The following ERO1B variants were observed in gnomAD, a reference collection of about 807,000 sequenced individuals.
The protein encoded by ERO1B is ERO1-like protein beta.
ERO1B carries 49 observed loss-of-function variants against 75.3 expected under a neutral mutation model. The observed-to-expected ratio is 0.65, with a 90% CI of 0.52 to 0.83. ERO1B has a LOEUF of 0.83. Among genes scored for constraint, ERO1B ranks in the 40% least tolerant of loss-of-function variants. ERO1B has a pLI of 0.00. For synonymous variants in ERO1B, 191 were observed against 192.9 expected, an observed-to-expected ratio of 0.99 and a Z score of 0.08; for missense variants, 512 against 560.1, an observed-to-expected ratio of 0.91 and a Z score of 0.87.
At chr1:236,266,198 GTAAA>G (rs1665431450) in intron 2 of ERO1B, among the ~76,000 whole-genome samples, 1 of 152,248 alleles carries the variant, frequency 6.6e-6, no homozygotes. Context: ...GGAATAAGAA[GTAAA>G]AAAGAGAAGT....
chr1:236,253,482 A>G lies in ERO1B; in HGVS notation c.246T>C (p.Pro82=). Residue 82 remains proline, a synonymous_variant, in exon 3 of 16, where the codon CCT becomes CCC. Transcript: ENST00000354619. ...AACAGTGGCCATCTTCTGCCCAGAA[A>G]GGACAAGGTCGCTTCAGATTAACCT... The part of the protein sequence containing the change: ...YYKVNLKRPC[P]FWAEDGHCSI... 3.1e-6 allele frequency: 5 copies of G among 1,610,284 alleles called. No individual in the cohort carries two copies. The highest frequency in any genetic ancestry group is 4.2e-6 in the Non-Finnish European group (5 of 1,177,708).
At chr1:236,266,269 T>G (rs1279439909) in intron 2 of ERO1B, among the ~76,000 whole-genome samples, 2 of 152,230 alleles carry the variant, frequency 1.3e-5, no homozygotes, top group Admixed American at 1.3e-4. Flanking sequence ...GACTGTTACC[T>G]CCACCTGTAT....
chr1:236,274,714 G>A (rs1268944454), intron 1 of ERO1B, among the ~76,000 whole-genome samples: 1 of 150,694 alleles, frequency 6.6e-6, no homozygotes, highest in Non-Finnish European at 1.5e-5. Context: ...GATTTGCACT[G>A]CTTTAAGTGC....
At chr1:236,255,291 T>C (rs958690277) in intron 2 of ERO1B, among the ~76,000 whole-genome samples, 4 of 152,078 alleles carry the variant, frequency 2.6e-5, no homozygotes, top group African/African-American at 9.7e-5. Context: ...CCAGATCTTA[T>C]GACGGCTCAC....
At chr1:236,281,614 C>A in intron 1 of ERO1B, 68 bp downstream of exon 1, 1 of 1,021,508 alleles carries the variant, frequency 9.8e-7, no homozygotes. Context: ...GCGTCACAGC[C>A]GCGGCCCGTG....
Position 236,281,881 on chromosome 1 carries a change from G to T in ERO1B, c.-98C>A. 2.3e-6 allele frequency: 2 copies of T among 863,934 alleles called. No individual in the cohort carries two copies. The highest frequency in any genetic ancestry group is 3.4e-5 in the South Asian group (1 of 29,564). The allele number at this position is 863,934 out of a possible 1,614,324, so 53.5% of individuals were successfully genotyped here. A position where few individuals can be genotyped will look rare whatever the true frequency, so the allele number is the denominator to read the frequency against. On this transcript the variant is annotated 5_prime_UTR_variant, in exon 1 of 16. Transcript: ENST00000354619. ...CCCAAGGGGACGGTTCCCAGCGGCC[G>T]AGCGACTCCAGGGTCAGAGGTCTGC...
intron 2 of ERO1B, among the ~76,000 whole-genome samples, chr1:236,258,149 C>CAGGAAAAA (rs71559929): frequency 3.1e-5 from 3 of 96,572 alleles, no homozygotes; most frequent in Admixed American, 1.2e-4. Context: ...AAAAACAAAG[C>CAGGAAAAA]AAAAAAAAAA....
Position 236,216,831 on chromosome 1 carries a change from A to G in ERO1B, c.*1685T>C, listed in dbSNP as rs1663995130. 1 of 152,056 alleles carries G rather than the reference A, an allele frequency of 6.6e-6. No individual in the cohort carries two copies. The allele number at this position is 152,056 out of a possible 1,614,324, so 9.4% of individuals were successfully genotyped here. A position where few individuals can be genotyped will look rare whatever the true frequency, so the allele number is the denominator to read the frequency against. On this transcript the variant is annotated 3_prime_UTR_variant, in exon 16 of 16. Transcript: ENST00000354619. ...TACTAGTTAAATTAATTGGATAGTCACTTTTTAGACAGTTTGCCTTAAGGC... is the reference window on the plus strand; with the variant it reads ...TACTAGTTAAATTAATTGGATAGTCGCTTTTTAGACAGTTTGCCTTAAGGC...
intron 12 of ERO1B, among the ~76,000 whole-genome samples, chr1:236,225,563 T>C (rs1664257850): frequency 1.3e-5 from 2 of 152,224 alleles, no homozygotes; most frequent in South Asian, 4.1e-4. Context: ...AAAGGTTATA[T>C]TCTAGAAGAT....
chr1:236,267,475 T>G (rs968630509), intron 2 of ERO1B, among the ~76,000 whole-genome samples: 1 of 152,172 alleles, frequency 6.6e-6, no homozygotes, highest in Non-Finnish European at 1.5e-5. Context: ...CCAAGCCTGC[T>G]AGGGATAGAG....
chr1:236,242,865 A>T (rs1418958438), intron 6 of ERO1B, among the ~76,000 whole-genome samples: 7 of 152,168 alleles, frequency 4.6e-5, no homozygotes, highest in Non-Finnish European at 7.4e-5. Context: ...TCTGGTGGAG[A>T]GTGTCCAGTC....
intron 5 of ERO1B, among the ~76,000 whole-genome samples, chr1:236,247,152 G>T (rs1388625996): frequency 6.6e-6 from 1 of 152,018 alleles, no homozygotes; most frequent in Non-Finnish European, 1.5e-5. Context: ...TCTCATTTAG[G>T]TTTATGGCTG....
chr1:236,249,667 A>G (rs1406431175), intron 5 of ERO1B, among the ~76,000 whole-genome samples: 3 of 152,204 alleles, frequency 2.0e-5, no homozygotes, highest in Non-Finnish European at 4.4e-5. Context: ...TTTTTAAAAG[A>G]TTTACTATGG....
In ERO1B at chr1:236,220,924, T is replaced by A. The variant is rs749806725; in HGVS notation, c.1251A>T (p.Glu417Asp). 6.2e-7 allele frequency: 1 copy of A among 1,603,456 alleles called. No individual in the cohort carries two copies. Residue 417 changes from glutamate (E) to aspartate (D), a missense_variant, in exon 15 of 16, where the codon GAA (glutamate) becomes GAT (aspartate). By Grantham distance (45) the Glu-to-Asp change is conservative. Coordinates refer to ENST00000354619, the MANE Select transcript of ERO1B (RefSeq NM_019891.4). ...TCTCTGGAAGCTTTTGGATTTCTTT[T>A]TCAGAGAATAATATCTTCAGGGCAG... is the stretch of plus-strand genomic sequence containing the variant. ...LGTALKILFSEKEIQKLPENS... is the reference protein window; with the variant it reads ...LGTALKILFSDKEIQKLPENS...
intron 13 of ERO1B, among the ~76,000 whole-genome samples, chr1:236,222,212 G>C (rs1572028556): frequency 6.6e-6 from 1 of 152,094 alleles, no homozygotes; most frequent in African/African-American, 2.4e-5. Flanking sequence ...CAGGTTCAAG[G>C]GATTCTCCTG....
At chr1:236,240,291 T>G (rs187658996) in intron 6 of ERO1B, among the ~76,000 whole-genome samples, 38 of 152,264 alleles carry the variant, frequency 2.5e-4, no homozygotes, top group Non-Finnish European at 1.0e-4. Context: ...TTTTCTAGGA[T>G]GTTAAACTTT....
intron 1 of ERO1B, among the ~76,000 whole-genome samples, chr1:236,271,237 G>A (rs185231366): frequency 1.8e-4 from 27 of 152,256 alleles, no homozygotes; most frequent in Admixed American, 1.4e-3. Flanking sequence ...GTCTCAGCCT[G>A]TTAAAGGTTA....
intron 2 of ERO1B, among the ~76,000 whole-genome samples, chr1:236,268,661 C>A (rs12563092): frequency 6.7e-6 from 1 of 150,334 alleles, no homozygotes; most frequent in African/African-American, 2.4e-5. Context: ...CCAAGGCGGG[C>A]GGATCACAAG....
chr1:236,266,533 G>T lies in ERO1B; in HGVS notation c.222+3342C>A, dbSNP rs141610807. 8.5e-4 allele frequency among the ~76,000 whole-genome samples: 130 copies of T among 152,114 alleles called. No individual in the cohort carries two copies. In the East Asian group the frequency reaches 0.025, roughly 29 times the overall value. ...GCAGGAGAATCACTTGAACCTGGGAGGCTGAGGTTGCAGTGAACCAAGATC... is the reference window on the plus strand; with the variant it reads ...GCAGGAGAATCACTTGAACCTGGGATGCTGAGGTTGCAGTGAACCAAGATC... On this transcript the variant is annotated intron_variant, in intron 2 of 15. Coordinates refer to ENST00000354619, the MANE Select transcript of ERO1B (RefSeq NM_019891.4).
Sources: gnomAD v4.1 joint callset for allele counts (sites outside exome capture counted in the v4.1 genomes callset) on GRCh38, gnomAD v4.1.1 for gene constraint, MANE v1.5 for transcripts, NCBI Gene and HGNC (gene_info 2026-07-23, HGNC 2026-07-21) for gene names.